CCDC91: variants seen among roughly 807,000 people sequenced by gnomAD.
CCDC91 encodes coiled-coil domain containing 91.
CCDC91 carries 48 observed loss-of-function variants against 63.2 expected under a neutral mutation model. That is an observed-to-expected ratio of 0.76 (90% confidence interval 0.60 to 0.97). The LOEUF is 0.97. Among genes scored for constraint, CCDC91 ranks in the 50% least tolerant of loss-of-function variants. The probability of loss-of-function intolerance (pLI) is 0.00; values close to 1 mark genes in which losing one functional copy is unlikely to be tolerated. For synonymous variants in CCDC91, 167 were observed against 165.8 expected, an observed-to-expected ratio of 1.01 and a Z score of -0.06; for missense variants, 500 against 494.6, an observed-to-expected ratio of 1.01 and a Z score of -0.10.
At chr12:28,286,538 A>T (rs1330778503) in intron 3 of CCDC91, among the ~76,000 whole-genome samples, 1 of 152,218 alleles carries the variant, frequency 6.6e-6, no homozygotes, top group South Asian at 2.1e-4. Context: ...AAAGGACATG[A>T]TCTCATTCCT....
chr12:28,362,640 T>C (rs1467378730), intron 7 of CCDC91, 125 bp downstream of exon 7: 2 of 526,854 alleles, frequency 3.8e-6, no homozygotes, highest in Non-Finnish European at 6.5e-6. Context: ...AGAATTTCTT[T>C]CCATTCAGCA....
chr12:28,405,846 A>G (rs1172097667), intron 8 of CCDC91, among the ~76,000 whole-genome samples: 18 of 152,274 alleles, frequency 1.2e-4, no homozygotes, highest in African/African-American at 2.4e-5. Flanking sequence ...TTTTTGTCCT[A>G]TATATTTAGA....
intron 6 of CCDC91, among the ~76,000 whole-genome samples, chr12:28,316,880 G>T (rs1395905585): frequency 6.6e-6 from 1 of 151,648 alleles, no homozygotes; most frequent in African/African-American, 2.4e-5. Flanking sequence ...TGGTCAATTT[G>T]GATTTTCCCA....
At chr12:28,288,570 A>AT (rs1262568442) in intron 3 of CCDC91, among the ~76,000 whole-genome samples, 2 of 151,978 alleles carry the variant, frequency 1.3e-5, no homozygotes, top group African/African-American at 4.8e-5. Context: ...TAGGTTTTTG[A>AT]TGTGCTGCTG....
intron 8 of CCDC91, among the ~76,000 whole-genome samples, chr12:28,405,381 A>G (rs1345532981): frequency 2.6e-5 from 4 of 152,256 alleles, no homozygotes; most frequent in East Asian, 1.9e-4. Flanking sequence ...ATACTCATAT[A>G]TATTGTTGCT....
At chr12:28,234,578 A>T (rs995357236) in intron 1 of CCDC91, among the ~76,000 whole-genome samples, 1 of 152,188 alleles carries the variant, frequency 6.6e-6, no homozygotes, top group Non-Finnish European at 1.5e-5. Flanking sequence ...TTGATAGTAT[A>T]CAGTTCAGCT....
chr12:28,517,380 A>G lies in CCDC91; in HGVS notation c.1216-31683A>G, dbSNP rs74072653. 2.9e-3 allele frequency among the ~76,000 whole-genome samples: 437 copies of G among 152,024 alleles called. 2 individuals are homozygous for G. The highest frequency in any genetic ancestry group is 0.01 in the African/African-American group (421 of 41,500). ...CTTATTAGTGAGAGTCCAAGCCCTA[A>G]ATGTTAACTTGCAACACGTTTGAAC... On this transcript the variant is annotated intron_variant, in intron 12 of 12. Coordinates refer to ENST00000536442, the MANE Select transcript of CCDC91 (RefSeq NM_018318.5).
At chr12:28,434,394 T>TC (rs1278453603) in intron 8 of CCDC91, among the ~76,000 whole-genome samples, 1 of 151,712 alleles carries the variant, frequency 6.6e-6, no homozygotes, top group African/African-American at 2.4e-5. Flanking sequence ...TCTTTAGCTG[T>TC]CCATGTGATT....
At chr12:28,326,256 T>G (rs1940983844) in intron 6 of CCDC91, among the ~76,000 whole-genome samples, 1 of 152,138 alleles carries the variant, frequency 6.6e-6, no homozygotes, top group Non-Finnish European at 1.5e-5. Flanking sequence ...TGGCTCAAAC[T>G]ACGGTTCGTT....
At chr12:28,443,427 G>A (rs1949336312) in intron 8 of CCDC91, among the ~76,000 whole-genome samples, 1 of 151,908 alleles carries the variant, frequency 6.6e-6, no homozygotes, top group Non-Finnish European at 1.5e-5. Flanking sequence ...AATAAAAGAG[G>A]CTATATAGAG....
chr12:28,408,823 A>T (rs1947134558), intron 8 of CCDC91, among the ~76,000 whole-genome samples: 1 of 151,766 alleles, frequency 6.6e-6, no homozygotes, highest in African/African-American at 2.4e-5. Flanking sequence ...TTGTGTTTTT[A>T]TCAGAGACAG....
intron 7 of CCDC91, among the ~76,000 whole-genome samples, chr12:28,386,557 T>C (rs958368700): frequency 2.6e-5 from 4 of 152,024 alleles, no homozygotes; most frequent in Non-Finnish European, 5.9e-5. Flanking sequence ...TTAGTAGAGA[T>C]GGGGTTTCAT....
intron 8 of CCDC91, among the ~76,000 whole-genome samples, chr12:28,438,948 A>G (rs1949044776): frequency 1.3e-5 from 2 of 152,154 alleles, no homozygotes; most frequent in South Asian, 2.1e-4. Context: ...TAAATTGAGG[A>G]TTGTCACAAT....
intron 12 of CCDC91, among the ~76,000 whole-genome samples, chr12:28,494,535 C>G (rs1952180503): frequency 6.6e-6 from 1 of 151,658 alleles, no homozygotes; most frequent in Non-Finnish European, 1.5e-5. Flanking sequence ...TATCTTACAC[C>G]TTACTGGATT....
At chr12:28,509,200 C>T (rs544661325) in intron 12 of CCDC91, among the ~76,000 whole-genome samples, 49 of 152,024 alleles carry the variant, frequency 3.2e-4, no homozygotes, top group Middle Eastern at 3.4e-3. Context: ...ATAATCTCTC[C>T]ATTATGCAAA....
At chr12:28,491,058 A>G (rs1951975257) in intron 12 of CCDC91, among the ~76,000 whole-genome samples, 1 of 151,826 alleles carries the variant, frequency 6.6e-6, no homozygotes, top group South Asian at 2.1e-4. Context: ...GTATGTACAC[A>G]TAAAAACTAG....
At chr12:28,523,606 A>G (rs1940960969) in intron 12 of CCDC91, among the ~76,000 whole-genome samples, 1 of 152,156 alleles carries the variant, frequency 6.6e-6, no homozygotes. Context: ...TGTGAATTTC[A>G]TCCTGTCATT....
chr12:28,294,215 T>G (rs1949414202), intron 3 of CCDC91, among the ~76,000 whole-genome samples: 1 of 152,152 alleles, frequency 6.6e-6, no homozygotes, highest in South Asian at 2.1e-4. Context: ...ATGTACCAGG[T>G]CAATGACAGT....
intron 1 of CCDC91, among the ~76,000 whole-genome samples, chr12:28,217,120 T>A (rs1021070219): frequency 2.0e-5 from 3 of 152,120 alleles, no homozygotes; most frequent in African/African-American, 7.2e-5. Flanking sequence ...CGGCCCGAAC[T>A]AATCTCTTAA....
Sources: gnomAD v4.1 joint callset for allele counts (sites outside exome capture counted in the v4.1 genomes callset) on GRCh38, gnomAD v4.1.1 for gene constraint, MANE v1.5 for transcripts, NCBI Gene and HGNC (gene_info 2026-07-23, HGNC 2026-07-21) for gene names.